The following UBXN7 variants were observed in gnomAD, a reference collection of about 807,000 sequenced individuals.
UBXN7 encodes UBX domain protein 7.
UBXN7 carries 9 observed loss-of-function variants against 58.0 expected under a neutral mutation model. The observed-to-expected ratio is 0.16, with a 90% confidence interval of 0.09 to 0.27. UBXN7 has a LOEUF of 0.27. Among genes scored for constraint, UBXN7 ranks in the 10% least tolerant of loss-of-function variants. The probability of loss-of-function intolerance (pLI) is 1.00; values close to 1 mark genes in which losing one functional copy is unlikely to be tolerated. For missense variants in UBXN7, 328 were observed against 599.6 expected (o/e 0.55, Z 4.73); for synonymous variants, 208 against 205.0 (o/e 1.01, Z -0.12).
At chr3:196,426,229 C>CA (rs1349795289) in intron 1 of UBXN7, among the ~76,000 whole-genome samples, 15 of 151,830 alleles carry the variant, frequency 9.9e-5, no homozygotes, top group African/African-American at 3.6e-4. Context: ...ATTAAAAATA[C>CA]AAAAAATTTA....
chr3:196,432,055 G>A (rs1279030364), intron 1 of UBXN7: 3 of 585,954 alleles, frequency 5.1e-6, no homozygotes, highest in Non-Finnish European at 9.3e-6. Flanking sequence ...GGACGGACTC[G>A]GCCCATTCCC....
At chr3:196,407,124 T>A in intron 2 of UBXN7, 122 bp downstream of exon 2, 3 of 1,392,558 alleles carry the variant, frequency 2.2e-6, no homozygotes, top group Non-Finnish European at 2.9e-6. Flanking sequence ...ACTTCATACT[T>A]TTTCAGAGGC....
chr3:196,417,561 C>T (rs1730535161), intron 1 of UBXN7, among the ~76,000 whole-genome samples: 1 of 151,528 alleles, frequency 6.6e-6, no homozygotes, highest in South Asian at 2.1e-4. Flanking sequence ...CATCAGTTTC[C>T]TCAGTTATAA....
In UBXN7 at chr3:196,424,410, T is replaced by TAA. The variant is rs1338851114; in HGVS notation, c.73+7915_73+7916dup. ...TTTTTTTTTTTTTTTTTTTTTTTTTTAAGAGACAAGGTCTCTCTCTGTCAC... is the reference window on the plus strand; with the variant it reads ...TTTTTTTTTTTTTTTTTTTTTTTTTTAAAAGAGACAAGGTCTCTCTCTGTCAC... On this transcript the variant is annotated intron_variant, in intron 1 of 10. Transcript: ENST00000296328. 1.2e-3 allele frequency among the ~76,000 whole-genome samples: 168 copies of TAA among 135,554 alleles called. 2 individuals carry two copies. The highest frequency in any genetic ancestry group is 4.5e-3 in the African/African-American group (164 of 36,790). 88.9% of individuals were successfully genotyped at this position (135,554 alleles called of 152,430 possible).
chr3:196,363,800 G>T (rs1041050850), intron 8 of UBXN7, among the ~76,000 whole-genome samples: 1 of 151,880 alleles, frequency 6.6e-6, no homozygotes, highest in Non-Finnish European at 1.5e-5. Flanking sequence ...ATGGTGGTGC[G>T]CGCCTGTAGT....
At chr3:196,382,035 G>A (rs1729223671) in intron 5 of UBXN7, among the ~76,000 whole-genome samples, 1 of 152,176 alleles carries the variant, frequency 6.6e-6, no homozygotes, top group Non-Finnish European at 1.5e-5. Context: ...GAAAGTGACG[G>A]GGAGAATGGA....
At chr3:196,357,162 C>T (rs774985144) in intron 10 of UBXN7, among the ~76,000 whole-genome samples, 1 of 152,164 alleles carries the variant, frequency 6.6e-6, no homozygotes, top group Non-Finnish European at 1.5e-5. Flanking sequence ...ACATTTTATC[C>T]GTTTTCCTTT....
intron 5 of UBXN7, among the ~76,000 whole-genome samples, chr3:196,383,902 G>A (rs1488128214): frequency 6.6e-6 from 1 of 152,094 alleles, no homozygotes; most frequent in African/African-American, 2.4e-5. Flanking sequence ...AGAGAAGCAA[G>A]AGCAAACACA....
chr3:196,363,166 G>A (rs1217678763), intron 8 of UBXN7, among the ~76,000 whole-genome samples: 1 of 151,104 alleles, frequency 6.6e-6, no homozygotes, highest in Non-Finnish European at 1.5e-5. Flanking sequence ...GCCTCCCAAA[G>A]TGCTGGGATT....
intron 6 of UBXN7, 67 bp downstream of exon 6, chr3:196,371,828 CT>C: frequency 6.4e-7 from 1 of 1,552,068 alleles, no homozygotes; most frequent in Non-Finnish European, 8.7e-7. Context: ...AACCCAATTC[CT>C]TTCCCTCAAC....
In UBXN7 at chr3:196,355,626, G is replaced by A. The variant is rs1225745368; in HGVS notation, c.*1059C>T. The stretch of plus-strand genomic sequence containing the variant: ...GCCTTTTAGAGACTATTCCAACCAG[G>A]GGCAAAAAATGAACCATTATTTCTA... On this transcript the variant is annotated 3_prime_UTR_variant, in exon 11 of 11. Transcript: ENST00000296328. The A allele has an allele frequency of 6.6e-6, 1 of 151,958 alleles. No homozygotes were observed. The highest frequency in any genetic ancestry group is 1.5e-5 in the Non-Finnish European group (1 of 67,990). 9.4% of individuals were successfully genotyped at this position (151,958 alleles called of 1,614,324 possible).
At chr3:196,422,371 C>T (rs866444030) in intron 1 of UBXN7, among the ~76,000 whole-genome samples, 38 of 151,870 alleles carry the variant, frequency 2.5e-4, no homozygotes, top group South Asian at 4.2e-4. Flanking sequence ...GTCCCAGCTA[C>T]TCAGGAGGCT....
chr3:196,385,468 T>C (rs1230899893), intron 5 of UBXN7, among the ~76,000 whole-genome samples: 1 of 150,490 alleles, frequency 6.6e-6, no homozygotes. Flanking sequence ...CGTCATCCCA[T>C]CTAGGAAGTG....
chr3:196,396,034 G>A (rs560365138), intron 3 of UBXN7, among the ~76,000 whole-genome samples: 44 of 152,194 alleles, frequency 2.9e-4, no homozygotes, highest in African/African-American at 1.1e-3. Context: ...CAAAAGTGCT[G>A]GAATTACAGG....
chr3:196,387,011 AAT>A (rs1729427157), intron 5 of UBXN7, among the ~76,000 whole-genome samples: 1 of 151,730 alleles, frequency 6.6e-6, no homozygotes, highest in Admixed American at 6.6e-5. Context: ...TACCGAAACA[AAT>A]ATATACTATA....
intron 1 of UBXN7, among the ~76,000 whole-genome samples, chr3:196,415,950 T>C (rs1730467603): frequency 6.6e-6 from 1 of 152,224 alleles, no homozygotes; most frequent in South Asian, 2.1e-4. Context: ...CTTCTCAATG[T>C]ATGGACCAAA....
intron 1 of UBXN7, among the ~76,000 whole-genome samples, chr3:196,418,645 G>A (rs1560243135): frequency 6.6e-6 from 1 of 152,220 alleles, no homozygotes; most frequent in Non-Finnish European, 1.5e-5. Flanking sequence ...GAAGCACTGA[G>A]AGGTGATAGG....
At chr3:196,357,801 G>A (rs952421961) in intron 10 of UBXN7, among the ~76,000 whole-genome samples, 1 of 152,144 alleles carries the variant, frequency 6.6e-6, no homozygotes, top group African/African-American at 2.4e-5. Flanking sequence ...AGGTTGCAGT[G>A]AGCCAAGATC....
intron 1 of UBXN7, among the ~76,000 whole-genome samples, chr3:196,426,643 G>C (rs542562812): frequency 6.6e-6 from 1 of 152,208 alleles, no homozygotes; most frequent in East Asian, 1.9e-4. Flanking sequence ...GAGGTCGGGA[G>C]TTCGAGACCA....
Sources: allele counts gnomAD v4.1 joint callset (sites outside exome capture counted in the v4.1 genomes callset), GRCh38; gene constraint gnomAD v4.1.1; transcripts MANE v1.5; gene names NCBI Gene and HGNC (gene_info 2026-07-23, HGNC 2026-07-21).